Variants in ADGRD2 observed in about 807,000 individuals in gnomAD.
ADGRD2 encodes the protein adhesion G protein-coupled receptor D2.
Under a neutral mutation model 44.4 loss-of-function variants are expected in ADGRD2, and 71 were observed. The ratio of observed to expected loss-of-function variants is 1.60; its 90% CI spans 1.32 to 1.95. The LOEUF is 1.95. Among genes scored for constraint, ADGRD2 ranks in the 30% most tolerant of loss-of-function variants. ADGRD2 has a pLI of 0.00. For synonymous variants in ADGRD2, 481 were observed against 224.8 expected, an observed-to-expected ratio of 2.14 and a Z score of -10.19; for missense variants, 1,039 against 512.4, an observed-to-expected ratio of 2.03 and a Z score of -9.92.
chr9:124,462,949 T>TC (rs1398375430), intron 10 of ADGRD2, among the ~76,000 whole-genome samples: 14 of 150,106 alleles, frequency 9.3e-5, no homozygotes, highest in African/African-American at 3.5e-4. Context: ...CTCTCTCTCC[T>TC]TCCTTCCTTC....
At chr9:124,453,796 G>C (rs925163245) in intron 3 of ADGRD2, 120 bp downstream of exon 6, 2 of 613,176 alleles carry the variant, frequency 3.3e-6, no homozygotes, top group Admixed American at 5.4e-5. Flanking sequence ...CCCTCTCCAG[G>C]CCGCAGTGCC....
chr9:124,451,999 CCCCCT>C, upstream of ADGRD2: 2 of 340,010 alleles, frequency 5.9e-6, no homozygotes, highest in Non-Finnish European at 1.2e-5. Context: ...CACTGAATGC[CCCCCT>C]CCCACCCACC....
At chr9:124,464,994 G>T (rs1306229577) in intron 10 of ADGRD2, among the ~76,000 whole-genome samples, 1 of 152,182 alleles carries the variant, frequency 6.6e-6, no homozygotes, top group African/African-American at 2.4e-5. Flanking sequence ...GAGAGGAGAG[G>T]CGCAGTTGCT....
At chr9:124,452,153 A>G in exon 1 of ADGRD2, 1 of 716,958 alleles carries the variant, frequency 1.4e-6, no homozygotes, top group Non-Finnish European at 2.6e-6. Context: ...CTTGGGCCCC[A>G]GGTTGGTATG....
At chr9:124,471,533 G>T (rs1016305542) in intron 17 of ADGRD2, among the ~76,000 whole-genome samples, 2 of 152,180 alleles carry the variant, frequency 1.3e-5, no homozygotes, top group Admixed American at 6.5e-5. Flanking sequence ...GCTCCTATTT[G>T]TATCTCCCAA....
upstream of ADGRD2, among the ~76,000 whole-genome samples, chr9:124,450,603 C>CT (rs1403354073): frequency 6.6e-6 from 1 of 152,222 alleles, no homozygotes; most frequent in Non-Finnish European, 1.5e-5. Flanking sequence ...AGGAGGGACG[C>CT]GCAGTGGTGG....
Position 124,468,759 on chromosome 9 carries a change from G to A in ADGRD2, c.2387+87G>A, listed in dbSNP as rs527371152. 51 of 645,064 alleles carry A rather than the reference G, an allele frequency of 7.9e-5. 2 individuals are homozygous for A. In the South Asian group the frequency reaches 8.8e-4, roughly 11 times the overall value. 40.0% of individuals were successfully genotyped at this position (645,064 alleles called of 1,614,324 possible). A position where few individuals can be genotyped will look rare whatever the true frequency, so the allele number is the denominator to read the frequency against. On this transcript the variant is annotated intron_variant, in intron 14 of 21. Coordinates refer to ENST00000334810, the Ensembl canonical transcript of ADGRD2. Reference sequence around the variant, plus strand: ...GCCATCTAACATGGCCCCACACCCAGCACTCAGCACCCAGCACCACTCAGC... The same window carrying A: ...GCCATCTAACATGGCCCCACACCCAACACTCAGCACCCAGCACCACTCAGC...
intron 10 of ADGRD2, among the ~76,000 whole-genome samples, chr9:124,459,003 A>G (rs1397215162): frequency 6.6e-6 from 1 of 152,192 alleles, no homozygotes; most frequent in Non-Finnish European, 1.5e-5. Context: ...CCAGCTTGTA[A>G]GTGGCAGAGC....
intron 10 of ADGRD2, among the ~76,000 whole-genome samples, chr9:124,460,254 T>G (rs1333688367): frequency 2.0e-5 from 3 of 147,440 alleles, no homozygotes; most frequent in Non-Finnish European, 3.0e-5. Context: ...CAGGCTGGAG[T>G]GCAAGTGGCA....
At chr9:124,458,231 G>A in exon 9 of ADGRD2, 1 of 718,512 alleles carries the variant, frequency 1.4e-6, no homozygotes, top group South Asian at 1.5e-5. Flanking sequence ...CAAACAGGGT[G>A]CAGAGGTGAG....
exon 4 of ADGRD2, chr9:124,454,000 G>A: frequency 1.5e-6 from 1 of 687,622 alleles, no homozygotes. Flanking sequence ...CCCTGCCAGT[G>A]CCCTCCGAGG....
chr9:124,459,193 C>G (rs1831677792), intron 10 of ADGRD2, among the ~76,000 whole-genome samples: 1 of 152,172 alleles, frequency 6.6e-6, no homozygotes, highest in Admixed American at 6.5e-5. Flanking sequence ...TAGGGGACTA[C>G]TTTAAATGTT....
At chr9:124,467,733 G>A (rs749562332) in exon 12 of ADGRD2, 5 of 718,436 alleles carry the variant, frequency 7.0e-6, no homozygotes, top group Admixed American at 2.0e-5. Flanking sequence ...AGGCCCTGAG[G>A]AGGAGTCGCT....
Position 124,458,731 on chromosome 9 carries a change from G to A in ADGRD2, c.1870+10G>A, listed in dbSNP as rs751606254. On this transcript the variant is annotated intron_variant, in intron 10 of 21. Transcript: ENST00000334810. ...CCAGCACCGGGCCCAGGTACTGGGT[G>A]GCGCTTCTGGGAAGCAGCCATCCTG... The A allele has an allele frequency of 4.2e-6, 3 of 717,242 alleles. No homozygotes were observed. Among genetic ancestry groups the A allele is most frequent in the African/African-American group, 1.7e-5 (1 of 57,222 alleles). 44.4% of individuals were successfully genotyped at this position (717,242 alleles called of 1,614,324 possible). A position where few individuals can be genotyped will look rare whatever the true frequency, so the allele number is the denominator to read the frequency against.
chr9:124,472,467 GTTTTTTGTT>G (rs1831966317), intron 17 of ADGRD2, among the ~76,000 whole-genome samples: 1 of 52,288 alleles, frequency 1.9e-5, no homozygotes, highest in Non-Finnish European at 3.7e-5. Flanking sequence ...TTTTTTGTTT[GTTTTTTGTT>G]TTTGTTTTGT....
chr9:124,467,847 G>GC (rs776239090), intron 12 of ADGRD2, 23 bp downstream of exon 15: 2 of 718,058 alleles, frequency 2.8e-6, no homozygotes, highest in South Asian at 3.0e-5. Context: ...CACCACTGTA[G>GC]CCTGGTGGCC....
exon 10 of ADGRD2, chr9:124,458,631 G>C: frequency 1.4e-6 from 1 of 718,846 alleles, no homozygotes; most frequent in Non-Finnish European, 2.6e-6. Flanking sequence ...TAAGCACCCA[G>C]GTGGGGTCAG....
exon 3 of ADGRD2, chr9:124,453,364 G>C (rs1463322938): frequency 1.8e-6 from 1 of 542,924 alleles, no homozygotes; most frequent in African/African-American, 2.0e-5. Flanking sequence ...CGGGCGCTGG[G>C]CGCTGTTCTC....
intron 14 of ADGRD2, 81 bp downstream of exon 17, chr9:124,468,753 C>T (rs1831882389): frequency 3.1e-6 from 2 of 650,808 alleles, no homozygotes; most frequent in Non-Finnish European, 5.6e-6. Flanking sequence ...CATGGCCCCA[C>T]ACCCAGCACT....
Sources: allele counts gnomAD v4.1 joint callset (sites outside exome capture counted in the v4.1 genomes callset), GRCh38; gene constraint gnomAD v4.1.1; transcripts MANE v1.5; gene names NCBI Gene and HGNC (gene_info 2026-07-23, HGNC 2026-07-21).